Variants in BMP1 observed in about 807,000 individuals in gnomAD.
The protein encoded by BMP1 is bone morphogenetic protein 1.
BMP1 carries 63 observed loss-of-function variants against 116.8 expected under a neutral mutation model. The ratio of observed to expected loss-of-function variants is 0.54; its 90% CI spans 0.44 to 0.67. The LOEUF is 0.67. Among genes scored for constraint, BMP1 ranks in the 30% least tolerant of loss-of-function variants. The pLI, the probability that BMP1 is intolerant of heterozygous loss-of-function variation, is 0.00. For synonymous variants in BMP1, 536 were observed against 533.4 expected, an observed-to-expected ratio of 1.00 and a Z score of -0.07; for missense variants, 1,183 against 1,358.9, an observed-to-expected ratio of 0.87 and a Z score of 2.04.
chr8:22,176,274 G>A lies in BMP1; in HGVS notation c.394G>A (p.Asp132Asn), dbSNP rs761152073. 6 of 1,611,548 alleles carry A rather than the reference G, an allele frequency of 3.7e-6. No individual in the cohort carries two copies. Among genetic ancestry groups the A allele is most frequent in the South Asian group, 3.3e-5 (3 of 90,744 alleles). ...GTCCCGACCAGAGCGTGTGTGGCCC[G>A]ATGGGGTCATCCCCTTTGTCATTGG... ...ATSRPERVWP[D>N]GVIPFVIGGN... Residue 132 changes from aspartate (D) to asparagine (N), a missense_variant, in exon 3 of 20, where the codon GAT becomes AAT. Transcript: ENST00000306385.
At chr8:22,192,203 C>T in intron 9 of BMP1, 52 bp downstream of exon 9, 1 of 1,480,764 alleles carries the variant, frequency 6.8e-7, no homozygotes, top group Non-Finnish European at 9.4e-7. Context: ...CCTCTCTGAG[C>T]CACCCTCATC....
rs1248749437 is a variant in BMP1, at chr8:22,179,790, G to C, written c.922G>C (p.Gly308Arg). 6.2e-7 allele frequency: 1 copy of C among 1,614,134 alleles called. No individual in the cohort carries two copies. Among genetic ancestry groups the C allele is most frequent in the South Asian group, 1.1e-5 (1 of 91,078 alleles). ...PIGQRTRLSK[G>R]DIAQARKLYK... is the part of the protein sequence containing the mutation. ...TGGCCAAAGGACACGGCTCAGCAAG[G>C]GGGACATTGCCCAAGCCCGCAAGCT... The change falls in exon 7 of 20, where the codon GGG (glycine) becomes CGG (arginine). Residue 308 changes from glycine to arginine, a missense_variant. By Grantham distance (125) the Gly-to-Arg change is moderately radical. Transcript: ENST00000306385. This position sits in a 1 kb window ranked among gnomAD's most constrained non-coding sequence, Gnocchi z 4.6.
chr8:22,201,467 G>A, intron 15 of BMP1: 1 of 1,402,306 alleles, frequency 7.1e-7, no homozygotes, highest in Non-Finnish European at 9.2e-7. Flanking sequence ...CCTGCGTCCT[G>A]CTCCTTTCTC....
At position 22,206,874 on chromosome 8, in the gene BMP1, A is replaced by T; in HGVS notation, c.2254A>T (p.Thr752Ser). The change falls in exon 17 of 20, where the codon ACA (threonine) becomes TCA (serine). Residue 752 changes from threonine (T) to serine (S), a missense_variant. Around this residue, in one of 4 missense-constraint regions of BMP1, gnomAD observed 956 missense variants for 1,135.2 expected, o/e 0.84. Coordinates refer to ENST00000306385, the MANE Select transcript of BMP1 (RefSeq NM_006129.5). ...TGCAGCCGGCTGTGACCACAAGGTGACATCCACCAGTGGTACCATCACCAG... is the reference window on the plus strand; with the variant it reads ...TGCAGCCGGCTGTGACCACAAGGTGTCATCCACCAGTGGTACCATCACCAG... Reference protein sequence around the residue: ...CKEAGCDHKVTSTSGTITSPN... With the variant: ...CKEAGCDHKVSSTSGTITSPN... The T allele has an allele frequency of 6.2e-7, 1 of 1,614,066 alleles. No homozygotes were observed. Among genetic ancestry groups the T allele is most frequent in the East Asian group, 2.2e-5 (1 of 44,892 alleles).
chr8:22,176,820 A>C, intron 4 of BMP1, 141 bp from the exon 5 acceptor site: 1 of 974,280 alleles, frequency 1.0e-6, no homozygotes, highest in Non-Finnish European at 1.5e-6. Flanking sequence ...CCTCCAGCAC[A>C]CAGCCTGGGC....
intron 8 of BMP1, among the ~76,000 whole-genome samples, chr8:22,183,538 A>C (rs950366411): frequency 3.3e-5 from 5 of 152,038 alleles, no homozygotes; most frequent in African/African-American, 1.2e-4. Context: ...CCCACCGATA[A>C]TAATAGCAAT....
chr8:22,201,974 C>T, intron 16 of BMP1, 46 bp downstream of exon 16: 1 of 1,576,946 alleles, frequency 6.3e-7, no homozygotes, highest in South Asian at 1.2e-5. Flanking sequence ...GGACCTGCTG[C>T]TGGGAGTGGA....
intron 8 of BMP1, among the ~76,000 whole-genome samples, chr8:22,186,333 C>T (rs116367323): frequency 3.3e-5 from 5 of 152,266 alleles, no homozygotes; most frequent in African/African-American, 1.2e-4. Context: ...CCCAGGGAGG[C>T]CATGTGGAGG....
At chr8:22,208,759 T>G (rs1410667048) in intron 18 of BMP1, among the ~76,000 whole-genome samples, 1 of 152,184 alleles carries the variant, frequency 6.6e-6, no homozygotes, top group Admixed American at 6.5e-5. Context: ...CTAAGCCACC[T>G]GTCAGGGCAT....
chr8:22,184,936 C>T lies in BMP1; in HGVS notation c.1077+4453C>T, dbSNP rs531111686. On this transcript the variant is annotated intron_variant, in intron 8 of 19. Coordinates refer to ENST00000306385, the MANE Select transcript of BMP1 (RefSeq NM_006129.5). ...TGGGGAAGTTGTTTTTCATTTGCCT[C>T]CCAATTCTCAGCTTATTGCCAGAAA... Among the ~76,000 whole-genome samples the T allele has an allele frequency of 5.1e-4, 77 of 152,306 alleles. 1 individual carries two copies. The highest frequency in any genetic ancestry group is 9.3e-4 in the Non-Finnish European group (63 of 68,028).
Position 22,194,798 on chromosome 8 carries a change from C to G in BMP1, c.1518C>G (p.Ile506Met), listed in dbSNP as rs199671021. ...GGCACAGTGAGAGCAGCACCCTCAT[C>G]GGGCGCTACTGTGGCTATGAGAAGC... ...RDGHSESSTLIGRYCGYEKPD... is the reference protein window; with the variant it reads ...RDGHSESSTLMGRYCGYEKPD... The change falls in exon 12 of 20, where the codon ATC becomes ATG. Residue 506 changes from isoleucine (I) to methionine (M), a missense_variant. Ile to Met is a conservative substitution (Grantham distance 10). Transcript: ENST00000306385. This position sits in a 1 kb window ranked among gnomAD's most constrained non-coding sequence, Gnocchi z 4.5. 3 of 1,613,746 alleles carry G rather than the reference C, an allele frequency of 1.9e-6. No individual in the cohort carries two copies. Among genetic ancestry groups the G allele is most frequent in the Admixed American group, 1.7e-5 (1 of 59,952 alleles).
chr8:22,171,405 G>T (rs1828273082), intron 1 of BMP1: 1 of 152,188 alleles, frequency 6.6e-6, no homozygotes, highest in Non-Finnish European at 1.5e-5. Flanking sequence ...TAATTAATGG[G>T]AAAGCACTTT....
rs62494057 is a variant in BMP1 at position 22,207,666 on chromosome 8, A to G, written c.2575+150A>G. On this transcript the variant is annotated intron_variant, in intron 18 of 19. Coordinates refer to ENST00000306385, the MANE Select transcript of BMP1 (RefSeq NM_006129.5). ...TGGGTGATGCAAACATTGTGTCCTG[A>G]GAACCAGGCCTGGGGGGCAGGGATA... 222,650 of 923,786 alleles carry G rather than the reference A, an allele frequency of 0.24. 29,810 individuals carry two copies. The highest frequency in any genetic ancestry group is 0.29 in the African/African-American group (17,498 of 60,416). The allele number at this position is 923,786 out of a possible 1,614,324, so 57.2% of individuals were successfully genotyped here. A position where few individuals can be genotyped will look rare whatever the true frequency, so the allele number is the denominator to read the frequency against.
At chr8:22,208,921 A>C (rs1829412416) in intron 18 of BMP1, among the ~76,000 whole-genome samples, 1 of 152,174 alleles carries the variant, frequency 6.6e-6, no homozygotes, top group Non-Finnish European at 1.5e-5. Context: ...GGCCCCATGC[A>C]CTGTCCTCTG....
chr8:22,200,846 C>T (rs1402525943), intron 15 of BMP1, among the ~76,000 whole-genome samples: 2 of 152,170 alleles, frequency 1.3e-5, no homozygotes, highest in Non-Finnish European at 2.9e-5. Flanking sequence ...GCCTAGTGGG[C>T]TACGTGTGCC....
Position 22,173,646 on chromosome 8 carries a change from G to A in BMP1, c.193G>A (p.Ala65Thr). 1.9e-6 allele frequency: 3 copies of A among 1,613,738 alleles called. No individual in the cohort carries two copies. Among genetic ancestry groups the A allele is most frequent in the African/African-American group, 1.3e-5 (1 of 75,028 alleles). ...DIALDEEDLR[A>T]FQVQQAVDLR... ...TGCCCTGGACGAAGAGGACCTGAGG[G>A]CCTTCCAGGTACAGCAGGCTGTGGA... The change falls in exon 2 of 20, where the codon GCC becomes ACC. Residue 65 changes from alanine to threonine, a missense_variant. This residue lies in a region of BMP1 where 185 missense variants were observed against 158.9 expected (regional missense o/e 1.16). Coordinates refer to ENST00000306385, the MANE Select transcript of BMP1 (RefSeq NM_006129.5).
intron 16 of BMP1, among the ~76,000 whole-genome samples, chr8:22,205,949 TTA>T (rs1491319658): frequency 2.0e-5 from 3 of 151,880 alleles, no homozygotes; most frequent in South Asian, 2.1e-4. Context: ...GGGTGGACCG[TTA>T]TATGTCTGTT....
In BMP1 at chr8:22,194,926, CCT is replaced by C. The variant is rs756499424; in HGVS notation, c.1639+10_1639+11del. 4.5e-4 allele frequency: 718 copies of C among 1,601,938 alleles called. 2 individuals carry two copies. Among genetic ancestry groups the C allele is most frequent in the Non-Finnish European group, 5.8e-4 (679 of 1,174,816 alleles). On this transcript the variant is annotated splice_region_variant and intron_variant, in intron 12 of 19. Coordinates refer to ENST00000306385, the MANE Select transcript of BMP1 (RefSeq NM_006129.5). This position sits in a 1 kb window ranked among gnomAD's most constrained non-coding sequence, Gnocchi z 4.5. Reference sequence around the variant, plus strand: ...GCCGTCAACTTTTTCAAAGGTGCCTCCTCTGTTACTCTCCCCTGCCCCAAGGT... The same window carrying C: ...GCCGTCAACTTTTTCAAAGGTGCCTCCTGTTACTCTCCCCTGCCCCAAGGT...
intron 8 of BMP1, among the ~76,000 whole-genome samples, chr8:22,188,990 C>T (rs1563258107): frequency 6.6e-6 from 1 of 152,238 alleles, no homozygotes; most frequent in Non-Finnish European, 1.5e-5. Context: ...CGGCCCTCTG[C>T]ATCCCTTCTT....
Sources: allele counts gnomAD v4.1 joint callset (sites outside exome capture counted in the v4.1 genomes callset), GRCh38; gene constraint gnomAD v4.1.1; regional missense constraint gnomAD v4.1.1; non-coding constraint Gnocchi (gnomAD v3.1); transcripts MANE v1.5; gene names NCBI Gene and HGNC (gene_info 2026-07-23, HGNC 2026-07-21).